The following KRAS variants were observed in gnomAD, a reference collection of about 807,000 sequenced individuals.
The protein encoded by KRAS is KRas proto-oncogene, GTPase.
A neutral mutation model predicts 21.0 loss-of-function variants in KRAS; 1 was observed. The observed-to-expected ratio is 0.05, with a 90% CI of 0.02 to 0.23. KRAS has a LOEUF of 0.23. Ranked by LOEUF, KRAS falls within the 10% of genes least tolerant of loss-of-function variation. KRAS has a pLI of 1.00. For synonymous variants in KRAS, 67 were observed against 72.5 expected (o/e 0.92, Z 0.39); for missense variants, 107 against 221.8 (o/e 0.48, Z 3.29).
At chr12:25,226,397 G>T (rs1220972472) in intron 3 of KRAS, among the ~76,000 whole-genome samples, 1 of 152,138 alleles carries the variant, frequency 6.6e-6, no homozygotes, top group African/African-American at 2.4e-5. Flanking sequence ...GAGCAGAGCA[G>T]ACAACAGAGT....
chr12:25,250,890 C>CGCCGCCGCTGCT lies in KRAS; in HGVS notation c.-163_-152dup, dbSNP rs1367799408. On this transcript the variant is annotated 5_prime_UTR_variant, in exon 1 of 5. Transcript: ENST00000311936. ...CCGCCACCTTCGCCGCCGCCACTGC[C>CGCCGCCGCTGCT]GCCGCCGCTGCTGCCTCCGCCGCCG... 8.0e-6 allele frequency: 2 copies of CGCCGCCGCTGCT among 250,508 alleles called. No individual in the cohort carries two copies. Among genetic ancestry groups the CGCCGCCGCTGCT allele is most frequent in the East Asian group, 1.3e-4 (2 of 15,868 alleles). 15.5% of individuals were successfully genotyped at this position (250,508 alleles called of 1,614,324 possible).
intron 2 of KRAS, among the ~76,000 whole-genome samples, chr12:25,241,785 C>G (rs569905145): frequency 3.7e-4 from 57 of 152,118 alleles, no homozygotes; most frequent in Admixed American, 1.2e-3. Flanking sequence ...GTACTCTCTC[C>G]CCAAGTTGTG....
chr12:25,229,213 A>G (rs1439174780), intron 2 of KRAS, among the ~76,000 whole-genome samples: 3 of 152,342 alleles, frequency 2.0e-5, no homozygotes, highest in South Asian at 2.1e-4. Context: ...ACAAAACAAA[A>G]TAATTTCAAA....
chr12:25,227,162 T>C, intron 3 of KRAS, 72 bp downstream of exon 3: 3 of 1,090,828 alleles, frequency 2.8e-6, no homozygotes, highest in South Asian at 1.4e-5. Context: ...TGCATGGCAT[T>C]AGCAAAGACT....
Position 25,225,837 on chromosome 12 carries a change from CACA to C in KRAS, c.291-67_291-65del, listed in dbSNP as rs1951386013. On this transcript the variant is annotated intron_variant, in intron 3 of 4. Coordinates refer to ENST00000311936, the MANE Select transcript of KRAS (RefSeq NM_004985.5). ...ACACAAATATCTTTCAAAACCTGTC[CACA>C]ACTTTTGTCATAAAATTTGGCTGAA... 7 of 1,486,402 alleles carry C rather than the reference CACA, an allele frequency of 4.7e-6. No individual in the cohort carries two copies. The East Asian group carries it at 1.6e-4, about 34-fold the overall frequency. The allele number at this position is 1,486,402 out of a possible 1,614,324, so 92.1% of individuals were successfully genotyped here. A position where few individuals can be genotyped will look rare whatever the true frequency, so the allele number is the denominator to read the frequency against.
chr12:25,228,185 T>TG (rs1951418482), intron 2 of KRAS, among the ~76,000 whole-genome samples: 1 of 138,090 alleles, frequency 7.2e-6, no homozygotes, highest in Non-Finnish European at 1.6e-5. Flanking sequence ...CATCTTTTTT[T>TG]TTTTTTTTTT....
chr12:25,220,101 C>T (rs1951303105), intron 4 of KRAS, among the ~76,000 whole-genome samples: 3 of 152,186 alleles, frequency 2.0e-5, no homozygotes, highest in African/African-American at 7.2e-5. Context: ...ACTGAACCCT[C>T]CCACTTTTGA....
Position 25,205,590 on chromosome 12 carries a change from A to ATT in KRAS, c.*4204_*4205insAA. 4.5e-6 allele frequency: 1 copy of ATT among 220,398 alleles called. No homozygotes were observed. Among genetic ancestry groups the ATT allele is most frequent in the Non-Finnish European group, 9.1e-6 (1 of 109,634 alleles). 13.7% of individuals were successfully genotyped at this position (220,398 alleles called of 1,614,324 possible). ...TAGTACTAGTAAGAAATTGGCACTC[A>ATT]AAGGAAAAATGCAAAAGTATTTTCA... On this transcript the variant is annotated 3_prime_UTR_variant, in exon 5 of 5. Coordinates refer to ENST00000311936, the MANE Select transcript of KRAS (RefSeq NM_004985.5).
intron 2 of KRAS, among the ~76,000 whole-genome samples, chr12:25,231,170 C>T (rs892515490): frequency 2.2e-5 from 3 of 136,876 alleles, no homozygotes; most frequent in Admixed American, 8.3e-5. Context: ...GACACGATCT[C>T]GAGTCACTGC....
rs994257014 is a variant in KRAS, at chr12:25,206,290, TAG to T, written c.*3503_*3504del. ...CAGTGTGACTCAGTTAAATAGAGCC[TAG>T]AATGCCTACTTGGGAACATTCACTC... On this transcript the variant is annotated 3_prime_UTR_variant, in exon 5 of 5. Transcript: ENST00000311936. 4.8e-6 allele frequency: 1 copy of T among 208,084 alleles called. No individual in the cohort carries two copies. The highest frequency in any genetic ancestry group is 2.3e-5 in the African/African-American group (1 of 44,016). 12.9% of individuals were successfully genotyped at this position (208,084 alleles called of 1,614,324 possible).
At chr12:25,211,703 A>G (rs1951201776) in intron 4 of KRAS, among the ~76,000 whole-genome samples, 1 of 152,224 alleles carries the variant, frequency 6.6e-6, no homozygotes, top group Admixed American at 6.5e-5. Flanking sequence ...GAATTTTCCT[A>G]ATAGATCTAT....
At chr12:25,216,661 G>C (rs1024763205) in intron 4 of KRAS, among the ~76,000 whole-genome samples, 1 of 152,092 alleles carries the variant, frequency 6.6e-6, no homozygotes, top group Non-Finnish European at 1.5e-5. Context: ...ACTCTTAATA[G>C]GGTTTTTCTT....
chr12:25,233,408 A>AT (rs1422168411), intron 2 of KRAS, among the ~76,000 whole-genome samples: 5 of 152,118 alleles, frequency 3.3e-5, no homozygotes, highest in Non-Finnish European at 7.4e-5. Flanking sequence ...ACAAAAAAAA[A>AT]TTAGGTGTGG....
At position 25,209,434 on chromosome 12, in the gene KRAS, C is replaced by T. The variant is rs373633390; in HGVS notation, c.*361G>A. 70 of 1,064,484 alleles carry T rather than the reference C, an allele frequency of 6.6e-5. No individual in the cohort carries two copies. In the Middle Eastern group the frequency reaches 1.7e-3, roughly 26 times the overall value. 65.9% of individuals were successfully genotyped at this position (1,064,484 alleles called of 1,614,324 possible). The stretch of plus-strand genomic sequence containing the variant: ...TCCATTTATGTGACTAGATAAAACA[C>T]AGAATAGGGATGATTCAAAAGCTTC... On this transcript the variant is annotated 3_prime_UTR_variant, in exon 5 of 5. Coordinates refer to ENST00000311936, the MANE Select transcript of KRAS (RefSeq NM_004985.5).
At position 25,207,157 on chromosome 12, in the gene KRAS, G is replaced by A. The variant is rs76218271; in HGVS notation, c.*2638C>T. On this transcript the variant is annotated 3_prime_UTR_variant, in exon 5 of 5. Coordinates refer to ENST00000311936, the MANE Select transcript of KRAS (RefSeq NM_004985.5). ...ACCACACTAGCACTACCTAAGGACC[G>A]GGATTATGTCTCTTGTTTGGGGATA... is the stretch of plus-strand genomic sequence containing the variant. The A allele has an allele frequency of 8.0e-4, 169 of 210,824 alleles. No individual in the cohort carries two copies. Among genetic ancestry groups the A allele is most frequent in the African/African-American group, 3.5e-3 (155 of 44,188 alleles). 13.1% of individuals were successfully genotyped at this position (210,824 alleles called of 1,614,324 possible).
At chr12:25,232,236 C>A (rs1225649664) in intron 2 of KRAS, among the ~76,000 whole-genome samples, 1 of 152,126 alleles carries the variant, frequency 6.6e-6, no homozygotes, top group Non-Finnish European at 1.5e-5. Flanking sequence ...AAGCTACTGC[C>A]CACAGGCCAA....
chr12:25,241,837 A>G (rs1951613994), intron 2 of KRAS, among the ~76,000 whole-genome samples: 1 of 152,220 alleles, frequency 6.6e-6, no homozygotes, highest in Non-Finnish European at 1.5e-5. Context: ...TGTCCCCTGG[A>G]GGGCAGTCAC....
chr12:25,217,999 A>G (rs1394195751), intron 4 of KRAS, among the ~76,000 whole-genome samples: 1 of 152,196 alleles, frequency 6.6e-6, no homozygotes, highest in Non-Finnish European at 1.5e-5. Context: ...TGTATCCAAA[A>G]TTTTCATTAA....
intron 2 of KRAS, among the ~76,000 whole-genome samples, chr12:25,242,092 A>C (rs1390959639): frequency 6.6e-6 from 1 of 152,216 alleles, no homozygotes; most frequent in Non-Finnish European, 1.5e-5. Flanking sequence ...TCAGAACACT[A>C]AAGATGAAAC....
Sources: allele counts gnomAD v4.1 joint callset (sites outside exome capture counted in the v4.1 genomes callset), GRCh38; gene constraint gnomAD v4.1.1; transcripts MANE v1.5; gene names NCBI Gene and HGNC (gene_info 2026-07-23, HGNC 2026-07-21).